Variants in PLAC1 observed in about 807,000 individuals in gnomAD.
PLAC1 encodes the protein placenta associated 1, also known as placenta-specific protein 1.
For missense variants in PLAC1, 136 were observed against 163.2 expected (o/e 0.83, Z 0.91); for synonymous variants, 68 against 62.1 (o/e 1.09, Z -0.44).
chrX:134,760,328 A>G (rs1017016645), intron 1 of PLAC1: 2 of 111,842 alleles, frequency 1.8e-5, no homozygotes, highest in Non-Finnish European at 3.8e-5. Flanking sequence ...ACTGGCTATG[A>G]TGCTGCCACT....
rs183675008 is a variant in PLAC1, at chrX:134,582,457, C to T, written c.-58-15717G>A. ...AGACCTCGGGGAGTATTTTTTTAAA[C>T]TAAGTTTTAAAGTCACCATAGTGTT... On this transcript the variant is annotated intron_variant, in intron 2 of 2. Coordinates refer to ENST00000359237, the MANE Select transcript of PLAC1 (RefSeq NM_021796.4). Among the ~76,000 whole-genome samples, 7 of 111,361 alleles carry T rather than the reference C, an allele frequency of 6.3e-5. No individual in the cohort carries two copies. In the East Asian group the frequency reaches 1.4e-3, roughly 22 times the overall value.
chrX:134,656,885 C>A (rs753703544), intron 1 of PLAC1, among the ~76,000 whole-genome samples: 1 of 111,971 alleles, frequency 8.9e-6, no homozygotes, highest in African/African-American at 3.3e-5. Context: ...CCATGCCCAG[C>A]CTTTTTTTTT....
intron 1 of PLAC1, chrX:134,650,836 GT>G: frequency 7.5e-6 from 1 of 133,447 alleles, no homozygotes. Context: ...GCCACGTTCA[GT>G]TTGAACACTA....
At chrX:134,682,931 T>C (rs1192949997) in intron 2 of PLAC1, among the ~76,000 whole-genome samples, 1 of 111,585 alleles carries the variant, frequency 9.0e-6, no homozygotes, top group Non-Finnish European at 1.9e-5. Flanking sequence ...CCAAACTCAG[T>C]AAGTGGAGAT....
intron 2 of PLAC1, among the ~76,000 whole-genome samples, chrX:134,594,347 G>A (rs2078052935): frequency 1.8e-5 from 2 of 111,230 alleles, no homozygotes; most frequent in African/African-American, 6.5e-5. Flanking sequence ...AGTGATATTG[G>A]TCTGCAGTTT....
intron 2 of PLAC1, among the ~76,000 whole-genome samples, chrX:134,577,523 C>T (rs1602791453): frequency 9.0e-6 from 1 of 111,356 alleles, no homozygotes. Context: ...GCCCCGTCTC[C>T]ACTAAAAATG....
chrX:134,676,953 C>G (rs892259752), intron 2 of PLAC1, among the ~76,000 whole-genome samples: 39 of 112,184 alleles, frequency 3.5e-4, no homozygotes, highest in Non-Finnish European at 1.1e-4. Context: ...AACTGTAATA[C>G]TAAAATTACT....
Position 134,692,253 on chromosome X carries a change from A to G in PLAC1, n.174+41182T>C, listed in dbSNP as rs146258165. ...GGTTAGAAAAAAAGTTTCCTTTGCA[A>G]AGACTGTCCTTTTCCCCCCTAGAGA... On this transcript the variant is annotated intron_variant and non_coding_transcript_variant, in intron 2 of 2. Coordinates refer to the PLAC1 transcript ENST00000466797. Among the ~76,000 whole-genome samples, 716 of 111,674 alleles carry G rather than the reference A, an allele frequency of 6.4e-3. 7 individuals carry two copies. The highest frequency in any genetic ancestry group is 0.022 in the African/African-American group (685 of 30,684).
At chrX:134,647,033 C>G (rs1191100772) in intron 1 of PLAC1, among the ~76,000 whole-genome samples, 2 of 111,991 alleles carry the variant, frequency 1.8e-5, no homozygotes, top group Non-Finnish European at 3.8e-5. Flanking sequence ...TGAGCCATGT[C>G]CTCAGCAAAA....
At chrX:134,705,006 A>ATATATATATATTTATATATATATATATT (rs1569408444) in intron 2 of PLAC1, among the ~76,000 whole-genome samples, 1 of 98,268 alleles carries the variant, frequency 1.0e-5, no homozygotes, top group African/African-American at 4.1e-5. Context: ...AAAATTATAT[A>ATATATATATATTTATATATATATATATT]TATATATATA....
At chrX:134,677,222 A>G (rs2078478432) in intron 2 of PLAC1, among the ~76,000 whole-genome samples, 1 of 111,043 alleles carries the variant, frequency 9.0e-6, no homozygotes, top group Admixed American at 9.5e-5. Context: ...AGGTTCATTC[A>G]CTCAACAGAT....
At chrX:134,695,801 A>C (rs1396292460) in intron 2 of PLAC1, among the ~76,000 whole-genome samples, 2 of 111,872 alleles carry the variant, frequency 1.8e-5, no homozygotes, top group Non-Finnish European at 3.8e-5. Flanking sequence ...TGAAAACTTA[A>C]ATTTTCAGCC....
chrX:134,763,851 A>C (rs1156662017), intron 1 of PLAC1, among the ~76,000 whole-genome samples: 2 of 108,736 alleles, frequency 1.8e-5, no homozygotes, highest in Non-Finnish European at 3.8e-5. Context: ...AAAGAAAGAA[A>C]GAAAGAAAGA....
chrX:134,567,061 G>T (rs1435524016), intron 2 of PLAC1, among the ~76,000 whole-genome samples: 2 of 112,337 alleles, frequency 1.8e-5, no homozygotes, highest in African/African-American at 3.2e-5. Flanking sequence ...CAGTTTTTGT[G>T]TCAAACGTTG....
At chrX:134,583,458 G>C (rs1313375125) in intron 2 of PLAC1, among the ~76,000 whole-genome samples, 2 of 93,612 alleles carry the variant, frequency 2.1e-5, no homozygotes, top group African/African-American at 4.0e-5. Flanking sequence ...TAAATGCCCA[G>C]AGAATTGGAG....
chrX:134,692,542 A>C (rs112783872), intron 2 of PLAC1, among the ~76,000 whole-genome samples: 143 of 112,024 alleles, frequency 1.3e-3, no homozygotes, highest in Middle Eastern at 9.1e-3. Flanking sequence ...AAAATGTTCA[A>C]AAAACTTGAT....
Position 134,705,000 on chromosome X carries a change from T to TTATA in PLAC1, n.174+28431_174+28434dup, listed in dbSNP as rs746596481. ...AAAGCGAGACTCCAACTCAAAAAAA[T>TTATA]TATATATATATATATATATATACAC... On this transcript the variant is annotated intron_variant and non_coding_transcript_variant, in intron 2 of 2. Coordinates refer to the PLAC1 transcript ENST00000466797. 3.9e-3 allele frequency among the ~76,000 whole-genome samples: 319 copies of TTATA among 81,152 alleles called. 1 individual carries two copies. The highest frequency in any genetic ancestry group is 4.4e-3 in the South Asian group (8 of 1,832). 70.5% of individuals were successfully genotyped at this position (81,152 alleles called of 115,157 possible). A position where few individuals can be genotyped will look rare whatever the true frequency, so the allele number is the denominator to read the frequency against.
chrX:134,684,411 T>TAAAAAAA (rs10606569), intron 2 of PLAC1, among the ~76,000 whole-genome samples: 1 of 80,989 alleles, frequency 1.2e-5, no homozygotes, highest in African/African-American at 4.5e-5. Context: ...GCTCTGCCAC[T>TAAAAAAA]AAAAAAAAAA....
At chrX:134,586,522 G>C (rs554766487) in intron 2 of PLAC1, among the ~76,000 whole-genome samples, 126 of 111,202 alleles carry the variant, frequency 1.1e-3, no homozygotes, top group African/African-American at 3.8e-3. Flanking sequence ...GCCACCTTTG[G>C]ATTAGGCCGT....
Sources: gnomAD v4.1 joint callset for allele counts (sites outside exome capture counted in the v4.1 genomes callset) on GRCh38, gnomAD v4.1.1 for gene constraint, MANE v1.5 for transcripts, NCBI Gene and HGNC (gene_info 2026-07-23, HGNC 2026-07-21) for gene names.